The following CNTN1 variants were observed in gnomAD, a reference collection of about 807,000 sequenced individuals.
The protein encoded by CNTN1 is contactin-1.
CNTN1 carries 38 observed loss-of-function variants against 126.4 expected under a neutral mutation model. The ratio of observed to expected loss-of-function variants is 0.30; its 90% CI spans 0.23 to 0.39. The LOEUF (loss-of-function observed/expected upper bound fraction) is 0.39, where lower values mean the gene tolerates loss of function less well. Among genes scored for constraint, CNTN1 ranks in the 10% least tolerant of loss-of-function variants. The pLI is 1.00. For synonymous variants in CNTN1, 413 were observed against 422.6 expected (o/e 0.98, Z 0.28); for missense variants, 1,009 against 1,248.4 (o/e 0.81, Z 2.89).
At position 40,905,974 on chromosome 12, in the gene CNTN1, T is replaced by C. The variant is rs950179636; in HGVS notation, c.-76-2383T>C. Among the ~76,000 whole-genome samples the C allele has an allele frequency of 3.9e-5, 6 of 152,184 alleles. No homozygotes were observed. The South Asian group carries it at 1.2e-3, about 31-fold the overall frequency. On this transcript the variant is annotated intron_variant, in intron 1 of 23. Transcript: ENST00000551295. Reference sequence around the variant, plus strand: ...CCACAGATCATGTAATTGATTTTCCTGTCCTCTAAAAGAATTGTTGGCCGG... The same window carrying C: ...CCACAGATCATGTAATTGATTTTCCCGTCCTCTAAAAGAATTGTTGGCCGG...
chr12:40,837,634 G>A (rs1371151778), intron 1 of CNTN1, among the ~76,000 whole-genome samples: 1 of 152,186 alleles, frequency 6.6e-6, no homozygotes, highest in Non-Finnish European at 1.5e-5. Flanking sequence ...CTGTTGTCCT[G>A]GGGTGCAGCA....
chr12:41,006,829 T>G (rs1010438080), intron 17 of CNTN1, among the ~76,000 whole-genome samples: 1 of 152,136 alleles, frequency 6.6e-6, no homozygotes, highest in Non-Finnish European at 1.5e-5. Flanking sequence ...TATAGAAACA[T>G]GGACTTCATC....
chr12:40,934,012 A>G, intron 9 of CNTN1, 134 bp downstream of exon 9: 3 of 729,046 alleles, frequency 4.1e-6, no homozygotes, highest in South Asian at 1.8e-5. Context: ...GGAGAAAGAT[A>G]AAATATTTCT....
intron 1 of CNTN1, among the ~76,000 whole-genome samples, chr12:40,896,791 A>G (rs1944429872): frequency 6.6e-6 from 1 of 152,230 alleles, no homozygotes; most frequent in African/African-American, 2.4e-5. Flanking sequence ...CCAGCAGGTG[A>G]GACAAAGGAC....
At chr12:40,919,491 C>T (rs1353397267) in intron 4 of CNTN1, among the ~76,000 whole-genome samples, 1 of 152,134 alleles carries the variant, frequency 6.6e-6, no homozygotes, top group Non-Finnish European at 1.5e-5. Context: ...GCAATGGTTC[C>T]ATGAAGACAA....
intron 1 of CNTN1, among the ~76,000 whole-genome samples, chr12:40,712,596 C>T (rs749989444): frequency 6.6e-6 from 1 of 152,044 alleles, no homozygotes; most frequent in Non-Finnish European, 1.5e-5. Context: ...CAACCAACCC[C>T]ATAGCCTAAC....
chr12:40,870,793 A>G (rs111774882), intron 1 of CNTN1, among the ~76,000 whole-genome samples: 51 of 152,102 alleles, frequency 3.4e-4, no homozygotes, highest in African/African-American at 1.2e-3. Context: ...CACACAAATA[A>G]ATAAAAAGCT....
chr12:40,948,506 G>A (rs1047671313), intron 14 of CNTN1, among the ~76,000 whole-genome samples: 1 of 152,004 alleles, frequency 6.6e-6, no homozygotes, highest in Non-Finnish European at 1.5e-5. Context: ...TCTGTGGAGT[G>A]CATATTATTG....
At chr12:41,019,265 T>C (rs280361) in intron 19 of CNTN1, among the ~76,000 whole-genome samples, 14,324 of 152,294 alleles carry the variant, frequency 0.094, 1,103 homozygotes, top group African/African-American at 0.21. Context: ...ATTTTACAAG[T>C]TACCTTCTCA....
chr12:40,988,354 C>T (rs1185982208), intron 16 of CNTN1, among the ~76,000 whole-genome samples: 1 of 152,088 alleles, frequency 6.6e-6, no homozygotes, highest in Non-Finnish European at 1.5e-5. Context: ...GTGTTCGGAT[C>T]TTAAAGAAAT....
At chr12:40,784,264 C>G (rs1412961848) in intron 1 of CNTN1, among the ~76,000 whole-genome samples, 1 of 152,086 alleles carries the variant, frequency 6.6e-6, no homozygotes, top group African/African-American at 2.4e-5. Flanking sequence ...AAATGTGAAA[C>G]TTGCACCTGT....
chr12:40,734,421 T>C (rs1387052222), intron 1 of CNTN1, among the ~76,000 whole-genome samples: 1 of 152,100 alleles, frequency 6.6e-6, no homozygotes, highest in Non-Finnish European at 1.5e-5. Context: ...GTTTACCACA[T>C]AAAAGTTACT....
chr12:40,979,215 A>G (rs1947759887), intron 15 of CNTN1: 1 of 152,174 alleles, frequency 6.6e-6, no homozygotes, highest in African/African-American at 2.4e-5. Flanking sequence ...TATGTGATAT[A>G]TTTCCAAATA....
intron 6 of CNTN1, among the ~76,000 whole-genome samples, chr12:40,927,247 C>CAGAT (rs913417324): frequency 5.3e-5 from 8 of 151,954 alleles, no homozygotes; most frequent in African/African-American, 1.9e-4. Context: ...CCGAGGAAAA[C>CAGAT]AGATAGCTTT....
At chr12:40,696,377 T>C (rs1434762915) in intron 1 of CNTN1, among the ~76,000 whole-genome samples, 2 of 152,258 alleles carry the variant, frequency 1.3e-5, no homozygotes, top group Admixed American at 1.3e-4. Context: ...CTCTAATTTG[T>C]ATCTTTCTCT....
rs7297132 is a variant in CNTN1 at position 40,918,751 on chromosome 12, C to T, written c.207C>T (p.Ala69=). Residue 69 remains alanine (A), a synonymous_variant, in exon 4 of 24, where the codon GCC becomes GCT. Coordinates refer to ENST00000551295, the MANE Select transcript of CNTN1 (RefSeq NM_001843.4). ...TCTCACTCAACTGTAGGGCACGAGCCAGCCCTTTCCCGGTTTACAAGTAAT... is the reference window on the plus strand; with the variant it reads ...TCTCACTCAACTGTAGGGCACGAGCTAGCCCTTTCCCGGTTTACAAGTAAT... ...GKVSLNCRAR[A]SPFPVYKWRM... is the part of the protein sequence containing the mutation. The T allele has an allele frequency of 8.0e-3, 12,838 of 1,613,610 alleles. 55 individuals are homozygous for T. Among genetic ancestry groups the T allele is most frequent in the Non-Finnish European group, 9.7e-3 (11,399 of 1,179,592 alleles).
intron 1 of CNTN1, among the ~76,000 whole-genome samples, chr12:40,891,252 A>AT (rs1433817554): frequency 6.6e-6 from 1 of 152,070 alleles, no homozygotes; most frequent in African/African-American, 2.4e-5. Context: ...ATTTTTGCAT[A>AT]TTTTGGATAA....
At chr12:40,955,893 G>A (rs1460470380) in intron 14 of CNTN1, among the ~76,000 whole-genome samples, 1 of 152,038 alleles carries the variant, frequency 6.6e-6, no homozygotes, top group Non-Finnish European at 1.5e-5. Flanking sequence ...GGCAATCCAG[G>A]CAATGCAAGT....
intron 1 of CNTN1, among the ~76,000 whole-genome samples, chr12:40,861,820 A>C (rs972396655): frequency 6.6e-6 from 1 of 152,170 alleles, no homozygotes; most frequent in African/African-American, 2.4e-5. Context: ...CCACCTTTAC[A>C]ACAGTGTACT....
Sources: allele counts gnomAD v4.1 joint callset (sites outside exome capture counted in the v4.1 genomes callset), GRCh38; gene constraint gnomAD v4.1.1; transcripts MANE v1.5; gene names NCBI Gene and HGNC (gene_info 2026-07-23, HGNC 2026-07-21).